Variants in AFAP1 observed in about 807,000 individuals in gnomAD.
The protein encoded by AFAP1 is actin filament associated protein 1.
In AFAP1, 75 loss-of-function variants were observed where a neutral mutation model predicts 93.9. That is an observed-to-expected ratio of 0.80 (90% CI 0.66 to 0.97). AFAP1 has a LOEUF of 0.97. Among genes scored for constraint, AFAP1 ranks in the 50% least tolerant of loss-of-function variants. AFAP1 has a pLI of 0.00. For missense variants in AFAP1, 1,201 were observed against 1,050.8 expected, an observed-to-expected ratio of 1.14 and a Z score of -1.98; for synonymous variants, 517 against 430.7, an observed-to-expected ratio of 1.20 and a Z score of -2.48.
chr4:7,882,569 T>C (rs1382480259), intron 1 of AFAP1, among the ~76,000 whole-genome samples: 8 of 152,262 alleles, frequency 5.3e-5, no homozygotes, highest in East Asian at 1.9e-4. Flanking sequence ...AGATTCACTC[T>C]AGAAATGCAG....
intron 17 of AFAP1, among the ~76,000 whole-genome samples, chr4:7,765,926 C>G (rs1183613253): frequency 6.6e-6 from 1 of 152,236 alleles, no homozygotes; most frequent in African/African-American, 2.4e-5. Flanking sequence ...GAGGGACTTT[C>G]TTCTCTGCGC....
At chr4:7,784,842 C>T (rs979907606) in intron 12 of AFAP1, among the ~76,000 whole-genome samples, 9 of 152,286 alleles carry the variant, frequency 5.9e-5, no homozygotes, top group African/African-American at 2.2e-4. Flanking sequence ...CTCTTGGTTC[C>T]TGCTGTGGGG....
At chr4:7,848,100 G>GAAGGAAGGAAGGAAGGAAGGAAGGAAGT (rs1713960261) in intron 4 of AFAP1, among the ~76,000 whole-genome samples, 1 of 22,594 alleles carries the variant, frequency 4.4e-5, no homozygotes, top group Non-Finnish European at 1.5e-4. Flanking sequence ...GGGAAGGAAA[G>GAAGGAAGGAAGGAAGGAAGGAAGGAAGT]AAGGAAGGAA....
intron 2 of AFAP1, 57 bp downstream of exon 2, chr4:7,871,895 C>T (rs563395441): frequency 2.9e-5 from 45 of 1,568,948 alleles, no homozygotes; most frequent in Middle Eastern, 3.4e-4. Flanking sequence ...AAATTAAAGA[C>T]GATTTAGAAG....
chr4:7,766,967 C>T (rs1195316155), intron 17 of AFAP1, among the ~76,000 whole-genome samples: 7 of 151,926 alleles, frequency 4.6e-5, no homozygotes, highest in South Asian at 4.2e-4. Context: ...ATCCGGAATA[C>T]GTCAGACCCC....
chr4:7,782,148 C>G (rs1453390598), intron 12 of AFAP1, among the ~76,000 whole-genome samples: 1 of 152,238 alleles, frequency 6.6e-6, no homozygotes, highest in Non-Finnish European at 1.5e-5. Context: ...GTCCTGGACG[C>G]TGACTTCGTC....
intron 3 of AFAP1, among the ~76,000 whole-genome samples, chr4:7,865,275 G>T (rs1368776751): frequency 1.3e-5 from 2 of 152,202 alleles, no homozygotes; most frequent in Non-Finnish European, 2.9e-5. Context: ...TGATACTCAT[G>T]CATTAAGCAC....
intron 4 of AFAP1, among the ~76,000 whole-genome samples, chr4:7,855,182 A>C (rs1388905473): frequency 1.3e-5 from 2 of 152,140 alleles, no homozygotes; most frequent in East Asian, 3.8e-4. Context: ...TACCACAAAG[A>C]GCCATTTCTC....
intron 6 of AFAP1, among the ~76,000 whole-genome samples, chr4:7,838,292 G>A (rs538562030): frequency 1.2e-4 from 18 of 152,170 alleles, no homozygotes; most frequent in Non-Finnish European, 2.5e-4. Flanking sequence ...GAAAGTCGTC[G>A]AAGCAGCCTA....
intron 10 of AFAP1, chr4:7,799,157 G>A (rs906045314): frequency 1.1e-6 from 1 of 898,776 alleles, no homozygotes. Flanking sequence ...GTCAGGGTCT[G>A]CACAGAGCTG....
intron 1 of AFAP1, 70 bp from the exon 2 acceptor site, chr4:7,872,150 C>A: frequency 1.3e-6 from 2 of 1,568,814 alleles, no homozygotes; most frequent in South Asian, 2.3e-5. Flanking sequence ...AATACTGAGT[C>A]TTACTCGAAG....
chr4:7,778,407 T>A, intron 14 of AFAP1: 1 of 369,554 alleles, frequency 2.7e-6, no homozygotes, highest in Non-Finnish European at 5.1e-6. Context: ...GTTTAGAGTC[T>A]GCAAGGCTTG....
intron 17 of AFAP1, among the ~76,000 whole-genome samples, chr4:7,766,747 CT>C (rs1714652391): frequency 6.6e-6 from 1 of 152,144 alleles, no homozygotes; most frequent in African/African-American, 2.4e-5. Flanking sequence ...GTTTCCATGC[CT>C]GGATGGCCCT....
At chr4:7,899,869 T>TAA (rs1207182061) in intron 1 of AFAP1, among the ~76,000 whole-genome samples, 1 of 151,584 alleles carries the variant, frequency 6.6e-6, no homozygotes, top group African/African-American at 2.4e-5. Context: ...AATAAATAAA[T>TAA]AAATAAATAA....
In AFAP1 at chr4:7,905,002, C is replaced by G. The variant is rs1205316955; in HGVS notation, c.-2-32922G>C. On this transcript the variant is annotated intron_variant, in intron 1 of 17. Coordinates refer to ENST00000420658, the MANE Select transcript of AFAP1 (RefSeq NM_001134647.2). ...GGATTACAGGTTTAGGCCACTGTGC[C>G]CAGCCCTACAAATGTGACTTATACA... Among the ~76,000 whole-genome samples the G allele has an allele frequency of 2.0e-5, 3 of 152,146 alleles. No individual in the cohort carries two copies. In the East Asian group the frequency reaches 5.8e-4, roughly 29 times the overall value.
intron 10 of AFAP1, among the ~76,000 whole-genome samples, chr4:7,797,128 T>A (rs1577220192): frequency 6.6e-6 from 1 of 152,032 alleles, no homozygotes; most frequent in East Asian, 1.9e-4. Context: ...AACAAACGAA[T>A]AATTAAATGG....
chr4:7,888,233 C>G (rs546105803), intron 1 of AFAP1, among the ~76,000 whole-genome samples: 2 of 152,340 alleles, frequency 1.3e-5, no homozygotes, highest in Non-Finnish European at 2.9e-5. Flanking sequence ...ATTTAATCTA[C>G]AGAAAGGACA....
intron 16 of AFAP1, among the ~76,000 whole-genome samples, chr4:7,771,729 T>C (rs1715465877): frequency 2.0e-5 from 3 of 152,296 alleles, no homozygotes; most frequent in South Asian, 4.1e-4. Flanking sequence ...GAAAGAACCA[T>C]GCATGAGTGG....
chr4:7,814,233 G>C (rs1044582484), intron 8 of AFAP1, among the ~76,000 whole-genome samples: 3 of 152,176 alleles, frequency 2.0e-5, no homozygotes, highest in Non-Finnish European at 2.9e-5. Context: ...CACCAAAGAA[G>C]ATATACTGAT....
Sources: allele counts gnomAD v4.1 joint callset (sites outside exome capture counted in the v4.1 genomes callset), GRCh38; gene constraint gnomAD v4.1.1; transcripts MANE v1.5; gene names NCBI Gene and HGNC (gene_info 2026-07-23, HGNC 2026-07-21).